TEX264: variants seen among roughly 807,000 people sequenced by gnomAD.
The protein encoded by TEX264 is testis expressed 264, ER-phagy receptor, also known as testis-expressed protein 264.
A neutral mutation model predicts 23.4 loss-of-function variants in TEX264; 13 were observed. The observed-to-expected ratio is 0.56, with a 90% CI of 0.36 to 0.88. The LOEUF is 0.88. Among genes scored for constraint, TEX264 ranks in the 40% least tolerant of loss-of-function variants. The pLI is 0.01. For missense variants in TEX264, 340 were observed against 406.8 expected (o/e 0.84, Z 1.41); for synonymous variants, 159 against 170.0 (o/e 0.94, Z 0.50).
At chr3:51,695,837 G>C (rs1405895784) in intron 3 of TEX264, among the ~76,000 whole-genome samples, 1 of 152,196 alleles carries the variant, frequency 6.6e-6, no homozygotes, top group East Asian at 1.9e-4. Context: ...AGGTGTTGGT[G>C]CAGGGTGGGG....
chr3:51,673,521 C>T (rs780095039), intron 1 of TEX264, among the ~76,000 whole-genome samples: 1 of 152,214 alleles, frequency 6.6e-6, no homozygotes, highest in Non-Finnish European at 1.5e-5. Context: ...CTCACTGTTT[C>T]TTCTGTGGGC....
At chr3:51,674,199 C>G (rs1292030413) in intron 1 of TEX264, 72 bp from the exon 2 acceptor site, 3 of 1,538,764 alleles carry the variant, frequency 1.9e-6, no homozygotes, top group Non-Finnish European at 1.8e-6. Flanking sequence ...TGGGCCAGAA[C>G]TGGTTGGCGG....
At chr3:51,702,729 G>C (rs939514723) in intron 4 of TEX264, among the ~76,000 whole-genome samples, 2 of 152,192 alleles carry the variant, frequency 1.3e-5, no homozygotes, top group Admixed American at 1.3e-4. Context: ...TGCACACAGC[G>C]AGCCTGAGCC....
chr3:51,685,804 T>C (rs1702602350), intron 3 of TEX264, among the ~76,000 whole-genome samples: 1 of 152,184 alleles, frequency 6.6e-6, no homozygotes, highest in Non-Finnish European at 1.5e-5. Flanking sequence ...TGAATCCCAT[T>C]GTGAGTGGTG....
rs917823232 is a variant in TEX264 at position 51,691,654 on chromosome 3, A to G, written c.480+7020A>G. Among the ~76,000 whole-genome samples the G allele has an allele frequency of 2.0e-5, 3 of 152,002 alleles. No homozygotes were observed. The South Asian group carries it at 6.2e-4, about 32-fold the overall frequency. ...GGCTGGAGTACAGGAGAGGAGCAAG[A>G]GTTTGGGCCTAAGAGATATAGGCTG... is the stretch of plus-strand genomic sequence containing the variant. On this transcript the variant is annotated intron_variant, in intron 3 of 4. Transcript: ENST00000341333. This position sits in a 1 kb window ranked among gnomAD's most constrained non-coding sequence, Gnocchi z 4.4.
In TEX264 at chr3:51,684,667, G is replaced by A. The variant is rs369223765; in HGVS notation, c.480+33G>A. 9.8e-5 allele frequency: 157 copies of A among 1,607,086 alleles called. No homozygotes were observed. The East Asian group carries it at 3.2e-3, about 33-fold the overall frequency. On this transcript the variant is annotated intron_variant, in intron 3 of 4. Transcript: ENST00000341333. Reference sequence around the variant, plus strand: ...ACAGGCCTGGGGTGTGTGTGTTGGGGACAGCCAGGCCCCTTGGGTGGAGCT... The same window carrying A: ...ACAGGCCTGGGGTGTGTGTGTTGGGAACAGCCAGGCCCCTTGGGTGGAGCT...
Position 51,686,632 on chromosome 3 carries a change from G to A in TEX264, c.480+1998G>A, listed in dbSNP as rs2068672281. 6.6e-6 allele frequency among the ~76,000 whole-genome samples: 1 copy of A among 152,036 alleles called. No individual in the cohort carries two copies. The highest frequency in any genetic ancestry group is 2.1e-4 in the South Asian group (1 of 4,822). On this transcript the variant is annotated intron_variant, in intron 3 of 4. Coordinates refer to ENST00000341333, the MANE Select transcript of TEX264 (RefSeq NM_015926.6). The surrounding 1 kb of genome is among the most constrained non-coding windows in gnomAD (Gnocchi z 4.1). ...CTGGAGGGTGGTGGCCAAAAGGGGT[G>A]TGGGGCAGGATGTGCTTGCCTGGCT... is the stretch of plus-strand genomic sequence containing the variant.
At chr3:51,685,127 C>G (rs1369930117) in intron 3 of TEX264, among the ~76,000 whole-genome samples, 1 of 152,216 alleles carries the variant, frequency 6.6e-6, no homozygotes, top group Non-Finnish European at 1.5e-5. Flanking sequence ...GGCTCTGTTT[C>G]CTTTACTTCC....
At chr3:51,683,292 C>T (rs561613863) in intron 2 of TEX264, 1 of 152,170 alleles carries the variant, frequency 6.6e-6, no homozygotes, top group Non-Finnish European at 1.5e-5. Flanking sequence ...CTGGTACAGA[C>T]TTAGGCACCT....
chr3:51,692,895 G>T (rs1013719984), intron 3 of TEX264, among the ~76,000 whole-genome samples: 1 of 152,260 alleles, frequency 6.6e-6, no homozygotes, highest in African/African-American at 2.4e-5. Flanking sequence ...CTCTGGTCTG[G>T]CCACACAACG....
chr3:51,701,511 G>C (rs1703303175), intron 4 of TEX264, among the ~76,000 whole-genome samples: 1 of 152,066 alleles, frequency 6.6e-6, no homozygotes, highest in South Asian at 2.1e-4. Context: ...TTTTTATAGA[G>C]ATGGTGTTTC....
In TEX264 at chr3:51,703,999, GAGA is replaced by G. The variant is rs550338628; in HGVS notation, c.928_930del (p.Lys310del). ...GTGGCTCTGGGAGCCCACTGCCCCT[GAGA>G]AGGGCAAGGAGTAACCCATGGCCTG... On this transcript the variant is annotated inframe_deletion, in exon 5 of 5. Coordinates refer to ENST00000341333, the MANE Select transcript of TEX264 (RefSeq NM_015926.6). The surrounding 1 kb of genome is among the most constrained non-coding windows in gnomAD (Gnocchi z 4.8). The G allele has an allele frequency of 7.2e-6, 11 of 1,535,574 alleles. No individual in the cohort carries two copies. In the South Asian group the frequency reaches 1.1e-4, roughly 15 times the overall value.
intron 2 of TEX264, among the ~76,000 whole-genome samples, chr3:51,674,778 C>T (rs1329681635): frequency 4.6e-5 from 7 of 152,230 alleles, no homozygotes; most frequent in Admixed American, 4.6e-4. Context: ...AGGTCTGGTT[C>T]CCCTTGCCCA....
In TEX264 at chr3:51,703,123, G is replaced by C. The variant is rs187737896; in HGVS notation, c.650-601G>C. Among the ~76,000 whole-genome samples the C allele has an allele frequency of 2.0e-5, 3 of 152,148 alleles. No homozygotes were observed. The highest frequency in any genetic ancestry group is 7.2e-5 in the African/African-American group (3 of 41,442). On this transcript the variant is annotated intron_variant, in intron 4 of 4. Coordinates refer to ENST00000341333, the MANE Select transcript of TEX264 (RefSeq NM_015926.6). This position sits in a 1 kb window ranked among gnomAD's most constrained non-coding sequence, Gnocchi z 4.8. ...TTCTCAGGCCTTCTCCATCCTCCTCGTACTTCAGCTCCCTCCTCAACTGGG... is the reference window on the plus strand; with the variant it reads ...TTCTCAGGCCTTCTCCATCCTCCTCCTACTTCAGCTCCCTCCTCAACTGGG...
At chr3:51,702,979 A>G (rs1703368622) in intron 4 of TEX264, among the ~76,000 whole-genome samples, 1 of 152,164 alleles carries the variant, frequency 6.6e-6, no homozygotes, top group Non-Finnish European at 1.5e-5. Context: ...TGGCTCAGGA[A>G]GCACCAGTCA....
chr3:51,672,221 C>G (rs1028503149), intron 1 of TEX264: 1 of 152,208 alleles, frequency 6.6e-6, no homozygotes, highest in African/African-American at 2.4e-5. Context: ...GGTGACTGTT[C>G]TTTCAGCTCC....
At chr3:51,692,241 AAAG>A (rs1177736053) in intron 3 of TEX264, among the ~76,000 whole-genome samples, 1 of 152,184 alleles carries the variant, frequency 6.6e-6, no homozygotes, top group Non-Finnish European at 1.5e-5. Context: ...TTTACTTATC[AAAG>A]AAGAATTCTG....
At position 51,674,372 on chromosome 3, in the gene TEX264, C is replaced by A. The variant is rs1702158367; in HGVS notation, c.68C>A (p.Ala23Asp). ...LTLLLLLTLL[A>D]FAGYSGLLAG... ...CTCTTACTGCTGCTGACGCTGCTGG[C>A]CTTTGCCGGGTACTCAGGGCTACTG... The change falls in exon 2 of 5, where the codon GCC becomes GAC. Residue 23 changes from alanine to aspartate, a missense_variant. Transcript: ENST00000341333. 10 of 1,614,220 alleles carry A rather than the reference C, an allele frequency of 6.2e-6. No individual in the cohort carries two copies. The highest frequency in any genetic ancestry group is 8.5e-6 in the Non-Finnish European group (10 of 1,180,050).
intron 3 of TEX264, among the ~76,000 whole-genome samples, chr3:51,687,523 G>T (rs1038577215): frequency 2.0e-5 from 3 of 152,212 alleles, no homozygotes; most frequent in Non-Finnish European, 4.4e-5. Flanking sequence ...AGCACCGACA[G>T]CTTTTAACTG....
Sources: gnomAD v4.1 joint callset for allele counts (sites outside exome capture counted in the v4.1 genomes callset) on GRCh38, gnomAD v4.1.1 for gene constraint, Gnocchi (gnomAD v3.1) non-coding constraint, MANE v1.5 for transcripts, NCBI Gene and HGNC (gene_info 2026-07-23, HGNC 2026-07-21) for gene names.